The following PARD3B variants were observed in gnomAD, a reference collection of about 807,000 sequenced individuals.
PARD3B encodes the protein par-3 family cell polarity regulator beta, also known as partitioning defective 3 homolog B.
Under a neutral mutation model 130.2 loss-of-function variants are expected in PARD3B, and 103 were observed. That is an observed-to-expected ratio of 0.79 (90% CI 0.67 to 0.93). PARD3B has a LOEUF of 0.93. PARD3B is among the 40% of genes least tolerant of loss of function. The pLI, the probability that PARD3B is intolerant of heterozygous loss-of-function variation, is 0.00. For synonymous variants in PARD3B, 583 were observed against 553.2 expected (o/e 1.05, Z -0.76); for missense variants, 1,609 against 1,499.2 (o/e 1.07, Z -1.21).
chr2:204,772,780 G>A (rs1323099556), intron 2 of PARD3B, among the ~76,000 whole-genome samples: 5 of 152,152 alleles, frequency 3.3e-5, no homozygotes, highest in Admixed American at 2.6e-4. Flanking sequence ...AATGGAAAAT[G>A]ATTGTATTTT....
At chr2:205,129,481 C>T (rs537689469) in intron 10 of PARD3B, among the ~76,000 whole-genome samples, 1 of 152,170 alleles carries the variant, frequency 6.6e-6, no homozygotes, top group Non-Finnish European at 1.5e-5. Context: ...AAGGTGATAT[C>T]ACTTTGGTCT....
intron 11 of PARD3B, among the ~76,000 whole-genome samples, chr2:205,166,482 T>A (rs528913691): frequency 2.0e-5 from 3 of 152,214 alleles, no homozygotes; most frequent in Non-Finnish European, 4.4e-5. Context: ...AGAATGGACC[T>A]CTTCACATAA....
Position 204,545,581 on chromosome 2 carries a change from C to T in PARD3B, c.-419C>T, listed in dbSNP as rs987129635. On this transcript the variant is annotated 5_prime_UTR_variant, in exon 1 of 23. Transcript: ENST00000406610. The stretch of plus-strand genomic sequence containing the variant: ...CCGCCGCCGCCGCCGCCCACTCCAG[C>T]CCCCGGCTTGGGGCCGGCCCTGCCA... Among the ~76,000 whole-genome samples, 28 of 152,140 alleles carry T rather than the reference C, an allele frequency of 1.8e-4. No individual in the cohort carries two copies. In the East Asian group the frequency reaches 2.9e-3, roughly 16 times the overall value.
intron 2 of PARD3B, among the ~76,000 whole-genome samples, chr2:204,714,359 A>T (rs1050330900): frequency 1.3e-5 from 2 of 152,134 alleles, no homozygotes; most frequent in Admixed American, 6.5e-5. Context: ...ACTCTCTTAA[A>T]TATCATGAAT....
intron 21 of PARD3B, among the ~76,000 whole-genome samples, chr2:205,531,307 A>G (rs1252211996): frequency 6.6e-6 from 1 of 152,130 alleles, no homozygotes; most frequent in African/African-American, 2.4e-5. Context: ...CCAGAGAGAG[A>G]AACATGAAGC....
At chr2:204,607,726 A>G (rs2033778664) in intron 1 of PARD3B, among the ~76,000 whole-genome samples, 1 of 152,186 alleles carries the variant, frequency 6.6e-6, no homozygotes, top group Admixed American at 6.6e-5. Flanking sequence ...CTGAGTGCCC[A>G]GAGAACTGGA....
chr2:205,055,258 T>A (rs1699560603), intron 4 of PARD3B, among the ~76,000 whole-genome samples: 1 of 152,238 alleles, frequency 6.6e-6, no homozygotes, highest in Non-Finnish European at 1.5e-5. Flanking sequence ...TAATTTCTTA[T>A]ATCCATTACA....
intron 18 of PARD3B, among the ~76,000 whole-genome samples, chr2:205,349,800 CT>C (rs11417800): frequency 2.9e-5 from 3 of 102,240 alleles, no homozygotes; most frequent in African/African-American, 6.8e-5. Context: ...TTCTTTTTCT[CT>C]TTTTTTTTTT....
chr2:205,336,131 G>A (rs13004164), intron 18 of PARD3B, among the ~76,000 whole-genome samples: 86,174 of 152,054 alleles, frequency 0.57, 27,853 homozygotes, highest in South Asian at 0.75. Context: ...TGGGATTACA[G>A]GTGTGAGCCA....
chr2:205,087,837 C>G (rs2125530408), intron 4 of PARD3B, among the ~76,000 whole-genome samples: 1 of 152,150 alleles, frequency 6.6e-6, no homozygotes, highest in East Asian at 1.9e-4. Flanking sequence ...TTGAAGTGAC[C>G]CTGACCATCA....
At chr2:205,517,446 G>C (rs534313647) in intron 21 of PARD3B, among the ~76,000 whole-genome samples, 4 of 152,098 alleles carry the variant, frequency 2.6e-5, no homozygotes, top group African/African-American at 9.6e-5. Flanking sequence ...ATTTGTAATT[G>C]TGTTTATTTG....
chr2:205,251,354 C>T (rs1038239938), intron 16 of PARD3B, among the ~76,000 whole-genome samples: 2 of 152,124 alleles, frequency 1.3e-5, no homozygotes, highest in South Asian at 4.1e-4. Flanking sequence ...ACCAAAGGCA[C>T]ACGTGCAGGT....
intron 15 of PARD3B, among the ~76,000 whole-genome samples, chr2:205,198,590 A>G (rs181184684): frequency 1.1e-4 from 17 of 152,306 alleles, no homozygotes; most frequent in African/African-American, 3.8e-4. Flanking sequence ...ACATCTACAA[A>G]GGTAAATATT....
intron 1 of PARD3B, among the ~76,000 whole-genome samples, chr2:204,638,725 C>A (rs1559199755): frequency 6.6e-6 from 1 of 152,106 alleles, no homozygotes; most frequent in African/African-American, 2.4e-5. Flanking sequence ...ATTAATTGTA[C>A]CTCATGTTTA....
At chr2:205,380,176 A>AAGAATATATATTATATAAAGAATATATAT in intron 18 of PARD3B, among the ~76,000 whole-genome samples, 1 of 35,910 alleles carries the variant, frequency 2.8e-5, no homozygotes, top group Non-Finnish European at 8.1e-5. Flanking sequence ...ATATTATATA[A>AAGAATATATATTATATAAAGAATATATAT]TATGTAAAGA....
At chr2:205,193,444 G>T in intron 15 of PARD3B, 124 bp downstream of exon 15, 1 of 693,716 alleles carries the variant, frequency 1.4e-6, no homozygotes, top group Non-Finnish European at 2.5e-6. Context: ...AAGCCTGGAG[G>T]AAGGGATAAT....
chr2:205,386,966 A>G (rs1040391368), intron 18 of PARD3B, among the ~76,000 whole-genome samples: 1 of 152,152 alleles, frequency 6.6e-6, no homozygotes, highest in Non-Finnish European at 1.5e-5. Flanking sequence ...AAAATGGAAT[A>G]TTTTTCACAG....
intron 22 of PARD3B, among the ~76,000 whole-genome samples, 188 bp from the exon 23 acceptor site, chr2:205,615,268 A>G (rs1049502943): frequency 1.1e-4 from 16 of 152,094 alleles, no homozygotes; most frequent in African/African-American, 3.6e-4. Context: ...CTGCTGGCCA[A>G]CAGGAAGGAG....
intron 15 of PARD3B, among the ~76,000 whole-genome samples, chr2:205,212,954 C>T (rs1003086384): frequency 6.6e-6 from 1 of 152,124 alleles, no homozygotes; most frequent in Non-Finnish European, 1.5e-5. Context: ...ATTCCATCGC[C>T]ATTTTACAGA....
Sources: gnomAD v4.1 joint callset for allele counts (sites outside exome capture counted in the v4.1 genomes callset) on GRCh38, gnomAD v4.1.1 for gene constraint, MANE v1.5 for transcripts, NCBI Gene and HGNC (gene_info 2026-07-23, HGNC 2026-07-21) for gene names.